Variants in STIM1 observed in about 807,000 individuals in gnomAD.
STIM1 encodes stromal interaction molecule 1.
A neutral mutation model predicts 74.7 loss-of-function variants in STIM1; 25 were observed. The observed-to-expected ratio is 0.33, with a 90% CI of 0.24 to 0.47. The LOEUF is 0.47. STIM1 is among the 20% of genes least tolerant of loss of function. The pLI, the probability that STIM1 is intolerant of heterozygous loss-of-function variation, is 1.00. For missense variants in STIM1, 728 were observed against 920.8 expected (o/e 0.79, Z 2.71); for synonymous variants, 328 against 348.8 (o/e 0.94, Z 0.66).
chr11:4,026,707 A>G (rs1423603539), intron 3 of STIM1, among the ~76,000 whole-genome samples: 1 of 152,244 alleles, frequency 6.6e-6, no homozygotes, highest in Non-Finnish European at 1.5e-5. Context: ...TTATTATAAA[A>G]GTTACAAATC....
At chr11:3,941,585 AT>A (rs1263168841) in intron 1 of STIM1, among the ~76,000 whole-genome samples, 1 of 139,578 alleles carries the variant, frequency 7.2e-6, no homozygotes, top group Non-Finnish European at 1.5e-5. Flanking sequence ...AAGCATATAT[AT>A]GTGTGTGTGT....
At chr11:4,038,277 C>A (rs186945225) in intron 3 of STIM1, among the ~76,000 whole-genome samples, 1 of 152,046 alleles carries the variant, frequency 6.6e-6, no homozygotes, top group East Asian at 1.9e-4. Context: ...TCAGGTGATC[C>A]GCCTACCTCG....
intron 1 of STIM1, among the ~76,000 whole-genome samples, chr11:3,961,748 T>A (rs1233062885): frequency 2.0e-5 from 3 of 152,168 alleles, no homozygotes; most frequent in Non-Finnish European, 4.4e-5. Context: ...GACCTTGTGA[T>A]CCGCCTGCCT....
At chr11:3,973,263 C>G in intron 2 of STIM1, 1 of 481,650 alleles carries the variant, frequency 2.1e-6, no homozygotes, top group Non-Finnish European at 4.1e-6. Context: ...GTTGTCATTC[C>G]CACCAAAACC....
At chr11:4,019,152 C>G (rs1268215214) in intron 2 of STIM1, 6 of 155,840 alleles carry the variant, frequency 3.9e-5, no homozygotes, top group African/African-American at 1.4e-4. Context: ...CCAAGGCATC[C>G]ACACAATGAA....
At chr11:3,978,638 A>G (rs1285080098) in intron 2 of STIM1, among the ~76,000 whole-genome samples, 1 of 151,926 alleles carries the variant, frequency 6.6e-6, no homozygotes, top group African/African-American at 2.4e-5. Flanking sequence ...TCAGGTGCCT[A>G]TAATCCCAGC....
At chr11:4,008,382 C>A (rs899044491) in intron 2 of STIM1, among the ~76,000 whole-genome samples, 3 of 152,076 alleles carry the variant, frequency 2.0e-5, no homozygotes, top group African/African-American at 7.2e-5. Context: ...TATAATGAAA[C>A]CAATTTTAAC....
chr11:3,921,199 C>G (rs945613484), intron 1 of STIM1, among the ~76,000 whole-genome samples: 2 of 152,132 alleles, frequency 1.3e-5, no homozygotes, highest in African/African-American at 4.8e-5. Flanking sequence ...AATGACTGGA[C>G]TTCAGTAATT....
intron 1 of STIM1, among the ~76,000 whole-genome samples, chr11:3,899,284 A>C (rs1295535247): frequency 1.3e-5 from 2 of 152,098 alleles, no homozygotes; most frequent in Admixed American, 6.5e-5. Context: ...AGCAATTGTG[A>C]ATGGGAGTTC....
chr11:3,855,475 C>G (rs2090325834), upstream of STIM1: 1 of 152,050 alleles, frequency 6.6e-6, no homozygotes, highest in Admixed American at 6.5e-5. Context: ...AAGACTAGCG[C>G]GGGCCGGGGG....
Position 3,867,784 on chromosome 11 carries a change from C to G in STIM1, c.139+11375C>G, listed in dbSNP as rs141469126. On this transcript the variant is annotated intron_variant, in intron 1 of 12. Coordinates refer to ENST00000526596, the MANE Select transcript of STIM1 (RefSeq NM_001382567.1). Reference sequence around the variant, plus strand: ...CCCTTTCCTCGGTTGGCCATATACACAGAGCCCCTGGCTGCCTTGTGTTGA... The same window carrying G: ...CCCTTTCCTCGGTTGGCCATATACAGAGAGCCCCTGGCTGCCTTGTGTTGA... 3.6e-3 allele frequency among the ~76,000 whole-genome samples: 553 copies of G among 152,334 alleles called. 2 individuals carry two copies. Among genetic ancestry groups the G allele is most frequent in the African/African-American group, 0.012 (500 of 41,580 alleles).
chr11:4,056,706 T>C lies in STIM1; in HGVS notation c.497+1069T>C, dbSNP rs138326931. 2.3e-3 allele frequency among the ~76,000 whole-genome samples: 355 copies of C among 152,352 alleles called. 1 individual carries two copies. Among genetic ancestry groups the C allele is most frequent in the African/African-American group, 7.9e-3 (328 of 41,580 alleles). ...TCCCTCCTCTGCTGCCTGCAGCCTC[T>C]TCTTCACAGCTTCTCTCTGCTCTGG... On this transcript the variant is annotated intron_variant, in intron 4 of 12. Coordinates refer to ENST00000526596, the MANE Select transcript of STIM1 (RefSeq NM_001382567.1).
At chr11:3,964,244 G>A (rs1187401659) in intron 1 of STIM1, among the ~76,000 whole-genome samples, 1 of 152,286 alleles carries the variant, frequency 6.6e-6, no homozygotes, top group East Asian at 1.9e-4. Flanking sequence ...TTTCCAGATG[G>A]TTGTGGGAAA....
At chr11:3,932,548 G>C (rs1350976771) in intron 1 of STIM1, among the ~76,000 whole-genome samples, 3 of 151,796 alleles carry the variant, frequency 2.0e-5, no homozygotes, top group Non-Finnish European at 2.9e-5. Flanking sequence ...TGTAGTCCCA[G>C]CTACTTGGGA....
At chr11:4,032,150 G>A (rs1050831637) in intron 3 of STIM1, among the ~76,000 whole-genome samples, 1 of 152,112 alleles carries the variant, frequency 6.6e-6, no homozygotes, top group Admixed American at 6.5e-5. Context: ...TCATTGCGTT[G>A]CCACACCTCT....
chr11:4,018,314 C>T (rs1473329113), intron 2 of STIM1, among the ~76,000 whole-genome samples: 10 of 149,936 alleles, frequency 6.7e-5, no homozygotes, highest in South Asian at 2.1e-4. Context: ...TAGCCGGGCG[C>T]GGTGGCGGGC....
intron 1 of STIM1, among the ~76,000 whole-genome samples, chr11:3,899,870 C>G (rs1055531086): frequency 6.6e-5 from 10 of 151,860 alleles, no homozygotes; most frequent in African/African-American, 2.2e-4. Context: ...ATGAAGCCCA[C>G]TTGATCATGG....
intron 2 of STIM1, among the ~76,000 whole-genome samples, chr11:4,005,363 G>C (rs1047117221): frequency 5.3e-5 from 8 of 152,128 alleles, no homozygotes; most frequent in Non-Finnish European, 7.3e-5. Context: ...ACTGGATTAA[G>C]AAAATGTGGC....
intron 1 of STIM1, among the ~76,000 whole-genome samples, chr11:3,884,765 G>A (rs1044911324): frequency 6.1e-4 from 91 of 150,202 alleles, no homozygotes; most frequent in African/African-American, 2.2e-3. Context: ...ATGGGTGACA[G>A]AGCCAGACCC....
Sources: allele counts gnomAD v4.1 joint callset (sites outside exome capture counted in the v4.1 genomes callset), GRCh38; gene constraint gnomAD v4.1.1; transcripts MANE v1.5; gene names NCBI Gene and HGNC (gene_info 2026-07-23, HGNC 2026-07-21).